GRAMD1B: variants seen among roughly 807,000 people sequenced by gnomAD.
The protein encoded by GRAMD1B is GRAM domain containing 1B.
Under a neutral mutation model 99.7 loss-of-function variants are expected in GRAMD1B, and 37 were observed. That is an observed-to-expected ratio of 0.37 (90% CI 0.29 to 0.49). GRAMD1B has a LOEUF of 0.49. Ranked by LOEUF, GRAMD1B falls within the 20% of genes least tolerant of loss-of-function variation. The pLI, the probability that GRAMD1B is intolerant of heterozygous loss-of-function variation, is 0.98. For synonymous variants in GRAMD1B, 427 were observed against 387.6 expected, an observed-to-expected ratio of 1.10 and a Z score of -1.19; for missense variants, 888 against 1,009.2, an observed-to-expected ratio of 0.88 and a Z score of 1.63.
chr11:123,394,601 T>C (rs1347839804), intron 1 of GRAMD1B, among the ~76,000 whole-genome samples: 1 of 152,262 alleles, frequency 6.6e-6, no homozygotes, highest in African/African-American at 2.4e-5. Flanking sequence ...GCATCTTCTA[T>C]GTGCTAAGCT....
intron 3 of GRAMD1B, among the ~76,000 whole-genome samples, chr11:123,579,884 G>A (rs577245931): frequency 2.4e-4 from 36 of 152,324 alleles, no homozygotes; most frequent in Admixed American, 2.0e-3. Flanking sequence ...GAGACATAAT[G>A]AAGGGACTGA....
intron 6 of GRAMD1B, 28 bp from the exon 7 acceptor site, chr11:123,595,913 TG>T: frequency 1.4e-6 from 2 of 1,386,950 alleles, no homozygotes; most frequent in Non-Finnish European, 2.0e-6. Flanking sequence ...CTTTGCTTGT[TG>T]CCCATTCTCT....
At chr11:123,390,460 T>A (rs1014472712) in intron 1 of GRAMD1B, among the ~76,000 whole-genome samples, 1 of 152,190 alleles carries the variant, frequency 6.6e-6, no homozygotes, top group African/African-American at 2.4e-5. Context: ...TGAGCATCTA[T>A]CTCTAGAAAT....
intron 1 of GRAMD1B, among the ~76,000 whole-genome samples, chr11:123,369,179 C>T (rs1037135723): frequency 2.6e-5 from 4 of 151,972 alleles, no homozygotes; most frequent in Non-Finnish European, 5.9e-5. Context: ...CATGCACCTG[C>T]AGTCTCAGCT....
chr11:123,609,421 G>T (rs1953220942), intron 12 of GRAMD1B, among the ~76,000 whole-genome samples: 1 of 152,116 alleles, frequency 6.6e-6, no homozygotes, highest in Admixed American at 6.6e-5. Flanking sequence ...AGAGGAGAGG[G>T]CACGCTGAGG....
intron 1 of GRAMD1B, among the ~76,000 whole-genome samples, chr11:123,389,848 C>T (rs558779714): frequency 5.9e-5 from 9 of 152,028 alleles, no homozygotes; most frequent in East Asian, 1.9e-4. Context: ...TGGGTTCAAG[C>T]GATTCTTGTG....
At chr11:123,410,603 C>A (rs1948011606) in intron 1 of GRAMD1B, among the ~76,000 whole-genome samples, 1 of 152,146 alleles carries the variant, frequency 6.6e-6, no homozygotes, top group Non-Finnish European at 1.5e-5. Flanking sequence ...CCAGTAGCAC[C>A]TGCAGACCAC....
intron 2 of GRAMD1B, among the ~76,000 whole-genome samples, chr11:123,557,403 A>G (rs920281734): frequency 2.0e-5 from 3 of 152,232 alleles, no homozygotes; most frequent in African/African-American, 7.2e-5. Context: ...AAGAAATACC[A>G]CGCACATACT....
At chr11:123,594,572 G>T (rs1484262469) in intron 5 of GRAMD1B, among the ~76,000 whole-genome samples, 163 bp from the exon 6 acceptor site, 1 of 152,190 alleles carries the variant, frequency 6.6e-6, no homozygotes, top group Non-Finnish European at 1.5e-5. Flanking sequence ...TCATGAGATG[G>T]TAGGGACTTC....
chr11:123,412,009 TTA>T (rs1350829171), intron 1 of GRAMD1B, among the ~76,000 whole-genome samples: 1 of 152,178 alleles, frequency 6.6e-6, no homozygotes, highest in Non-Finnish European at 1.5e-5. Flanking sequence ...ACATAGAAAA[TTA>T]TGTTATATAT....
chr11:123,418,383 C>A (rs1025086500), intron 1 of GRAMD1B, among the ~76,000 whole-genome samples: 2 of 152,092 alleles, frequency 1.3e-5, no homozygotes, highest in African/African-American at 4.8e-5. Flanking sequence ...GGGGGCCTTA[C>A]CAGTAGGAGA....
At chr11:123,557,966 A>G (rs1242565084) in intron 2 of GRAMD1B, among the ~76,000 whole-genome samples, 20 of 138,930 alleles carry the variant, frequency 1.4e-4, no homozygotes, top group African/African-American at 4.9e-4. Flanking sequence ...AGGAAAGGAC[A>G]TTCAGTGCAA....
At chr11:123,565,269 C>T (rs1304167274) in intron 2 of GRAMD1B, among the ~76,000 whole-genome samples, 2 of 151,188 alleles carry the variant, frequency 1.3e-5, no homozygotes, top group Non-Finnish European at 2.9e-5. Context: ...AAAGTCCTGG[C>T]CTCAAGCAAT....
At chr11:123,540,241 T>TTG (rs4065328) in intron 2 of GRAMD1B, among the ~76,000 whole-genome samples, 1 of 120,474 alleles carries the variant, frequency 8.3e-6, no homozygotes, top group African/African-American at 5.2e-5. Flanking sequence ...TTTTTGGTTG[T>TTG]TTTTTTTTTT....
chr11:123,503,159 C>T (rs1156493985), intron 2 of GRAMD1B, among the ~76,000 whole-genome samples: 1 of 152,210 alleles, frequency 6.6e-6, no homozygotes. Flanking sequence ...GGCAATAGGA[C>T]ATTTGTGAAC....
chr11:123,500,204 C>T (rs1939717027), intron 2 of GRAMD1B, among the ~76,000 whole-genome samples: 1 of 152,122 alleles, frequency 6.6e-6, no homozygotes, highest in Non-Finnish European at 1.5e-5. Flanking sequence ...GCCTGTAGTC[C>T]CAGCTACTTG....
chr11:123,506,045 T>C lies in GRAMD1B; in HGVS notation c.452+25152T>C, dbSNP rs555031360. On this transcript the variant is annotated intron_variant, in intron 2 of 19. Coordinates refer to ENST00000635736, the MANE Select transcript of GRAMD1B (RefSeq NM_001387025.1). ...CTGGAGAGAAGGGATTTCACCTCTT[T>C]GGCAAAAGCATCTGATCTGTATTTA... Among the ~76,000 whole-genome samples the C allele has an allele frequency of 1.8e-4, 28 of 152,330 alleles. No individual in the cohort carries two copies. The South Asian group carries it at 2.3e-3, about 12-fold the overall frequency.
At chr11:123,489,766 A>G (rs374701474) in intron 2 of GRAMD1B, among the ~76,000 whole-genome samples, 3 of 152,244 alleles carry the variant, frequency 2.0e-5, no homozygotes, top group East Asian at 1.9e-4. Flanking sequence ...TTGTTTTAAT[A>G]TGGAGAGACA....
At chr11:123,621,579 C>G (rs973144646) in intron 19 of GRAMD1B, among the ~76,000 whole-genome samples, 1 of 152,188 alleles carries the variant, frequency 6.6e-6, no homozygotes, top group African/African-American at 2.4e-5. Context: ...TGACTGGGAG[C>G]TGGAGAAAGC....
Sources: allele counts gnomAD v4.1 joint callset (sites outside exome capture counted in the v4.1 genomes callset), GRCh38; gene constraint gnomAD v4.1.1; transcripts MANE v1.5; gene names NCBI Gene and HGNC (gene_info 2026-07-23, HGNC 2026-07-21).